Variants in PDZD2 observed in about 807,000 individuals in gnomAD.
PDZD2 encodes the protein PDZ domain containing 2.
A neutral mutation model predicts 220.7 loss-of-function variants in PDZD2; 90 were observed. The observed-to-expected ratio is 0.41, with a 90% CI of 0.34 to 0.49. The LOEUF (loss-of-function observed/expected upper bound fraction) is 0.49, where lower values mean the gene tolerates loss of function less well. Ranked by LOEUF, PDZD2 falls within the 20% of genes least tolerant of loss-of-function variation. The pLI is 0.28. For missense variants in PDZD2, 3,174 were observed against 3,608.5 expected (o/e 0.88, Z 3.08); for synonymous variants, 1,375 against 1,450.5 (o/e 0.95, Z 1.18).
In PDZD2 at chr5:32,088,264, G is replaced by A; in HGVS notation, c.4816G>A (p.Gly1606Ser). 6.8e-6 allele frequency: 11 copies of A among 1,614,112 alleles called. No homozygotes were observed. Among genetic ancestry groups the A allele is most frequent in the Non-Finnish European group, 9.3e-6 (11 of 1,180,022 alleles). Residue 1606 changes from glycine (G) to serine (S), a missense_variant, in exon 20 of 25, where the codon GGC becomes AGC. Transcript: ENST00000438447. This position sits in a 1 kb window ranked among gnomAD's most constrained non-coding sequence, Gnocchi z 4.6. ...EEQIEICSTR[G>S]CPNPPSSPAH... ...ACAGATTGAGATTTGTTCCACACGT[G>A]GCTGCCCCAATCCACCCTCGAGTCC...
intron 1 of PDZD2, among the ~76,000 whole-genome samples, chr5:31,772,479 C>T (rs574091171): frequency 5.9e-5 from 9 of 152,322 alleles, no homozygotes; most frequent in East Asian, 5.8e-4. Flanking sequence ...GCCCCATCCG[C>T]GAGTTGCACC....
In PDZD2 at chr5:31,646,091, A is replaced by G. The variant is rs1423289759; in HGVS notation, c.-361+6654A>G. 6.6e-6 allele frequency among the ~76,000 whole-genome samples: 1 copy of G among 152,054 alleles called. No homozygotes were observed. The highest frequency in any genetic ancestry group is 1.5e-5 in the Non-Finnish European group (1 of 67,996). On this transcript the variant is annotated intron_variant, in intron 1 of 24. Transcript: ENST00000438447. The surrounding 1 kb of genome is among the most constrained non-coding windows in gnomAD (Gnocchi z 4.7). ...GTCACTCCTAGGGAGATCTCAGGAT[A>G]CCTAGGCGGAAGAAAATAAACACCA...
intron 2 of PDZD2, among the ~76,000 whole-genome samples, chr5:31,802,165 C>G (rs936581246): frequency 1.3e-5 from 2 of 151,986 alleles, no homozygotes; most frequent in Non-Finnish European, 2.9e-5. Flanking sequence ...TCTCCAAGGT[C>G]TTCTAGCAAC....
At chr5:31,994,758 A>G (rs1219194572) in intron 3 of PDZD2, among the ~76,000 whole-genome samples, 1 of 152,188 alleles carries the variant, frequency 6.6e-6, no homozygotes, top group African/African-American at 2.4e-5. Context: ...AAGTGCTGGG[A>G]TTACAGGCAT....
intron 2 of PDZD2, among the ~76,000 whole-genome samples, chr5:31,895,698 T>G (rs918817988): frequency 1.3e-5 from 2 of 152,130 alleles, no homozygotes; most frequent in East Asian, 3.9e-4. Flanking sequence ...ATCCCCTTCC[T>G]CGTTTTTTCA....
At chr5:31,907,672 A>G (rs1337283947) in intron 2 of PDZD2, among the ~76,000 whole-genome samples, 1 of 152,204 alleles carries the variant, frequency 6.6e-6, no homozygotes, top group Non-Finnish European at 1.5e-5. Flanking sequence ...TTAATGTTTC[A>G]TGCCTTATGA....
intron 1 of PDZD2, among the ~76,000 whole-genome samples, chr5:31,694,535 C>T (rs1444698111): frequency 2.6e-5 from 4 of 152,170 alleles, no homozygotes; most frequent in Non-Finnish European, 5.9e-5. Flanking sequence ...TACATTTTCT[C>T]GTGTTTTTGA....
chr5:31,904,875 C>T (rs1170483928), intron 2 of PDZD2, among the ~76,000 whole-genome samples: 1 of 152,196 alleles, frequency 6.6e-6, no homozygotes, highest in Non-Finnish European at 1.5e-5. Context: ...AGCAGCACAT[C>T]TAAATGTTGC....
intron 5 of PDZD2, among the ~76,000 whole-genome samples, chr5:32,002,423 C>T (rs1243989057): frequency 2.6e-5 from 4 of 152,008 alleles, no homozygotes; most frequent in African/African-American, 4.8e-5. Flanking sequence ...AGCCCCTCGC[C>T]GGAAATGGGG....
intron 2 of PDZD2, among the ~76,000 whole-genome samples, chr5:31,869,837 G>T (rs187751254): frequency 6.6e-6 from 1 of 152,098 alleles, no homozygotes; most frequent in East Asian, 1.9e-4. Context: ...CTGTCGGCTC[G>T]GGCATCTGAG....
chr5:31,704,674 C>G (rs1747739210), intron 1 of PDZD2, among the ~76,000 whole-genome samples: 1 of 152,072 alleles, frequency 6.6e-6, no homozygotes, highest in African/African-American at 2.4e-5. Flanking sequence ...GCCTTTTTCC[C>G]CATGCTAAAT....
rs1421604123 is a variant in PDZD2 at position 32,087,349 on chromosome 5, G to A, written c.3901G>A (p.Asp1301Asn). 4 of 1,613,982 alleles carry A rather than the reference G, an allele frequency of 2.5e-6. No homozygotes were observed. Among genetic ancestry groups the A allele is most frequent in the East Asian group, 4.5e-5 (2 of 44,880 alleles). ...SPGEKAAAPP[D>N]YSKTRSASET... is the part of the protein sequence containing the mutation. Reference sequence around the variant, plus strand: ...GGGGGAGAAAGCAGCGGCTCCCCCTGACTACAGCAAGACTCGATCAGCATC... The same window carrying A: ...GGGGGAGAAAGCAGCGGCTCCCCCTAACTACAGCAAGACTCGATCAGCATC... Residue 1301 changes from aspartate (D) to asparagine (N), a missense_variant, in exon 20 of 25, where the codon GAC (aspartate) becomes AAC (asparagine). Coordinates refer to ENST00000438447, the MANE Select transcript of PDZD2 (RefSeq NM_178140.4). The surrounding 1 kb of genome is among the most constrained non-coding windows in gnomAD (Gnocchi z 4.0).
chr5:31,989,821 C>T (rs1751071504), intron 3 of PDZD2, among the ~76,000 whole-genome samples: 1 of 152,194 alleles, frequency 6.6e-6, no homozygotes, highest in Admixed American at 6.5e-5. Context: ...GCGGGGCCTT[C>T]TTTGTCTTTG....
intron 2 of PDZD2, among the ~76,000 whole-genome samples, chr5:31,832,991 G>A (rs1398623957): frequency 6.6e-6 from 1 of 152,132 alleles, no homozygotes; most frequent in Non-Finnish European, 1.5e-5. Flanking sequence ...AGTCCCATGA[G>A]CAGGCCTGAC....
intron 1 of PDZD2, among the ~76,000 whole-genome samples, chr5:31,756,666 G>A (rs900136008): frequency 4.2e-4 from 64 of 152,224 alleles, no homozygotes; most frequent in Middle Eastern, 3.2e-3. Flanking sequence ...CTGGGTAAAG[G>A]TGGTGGCAGT....
chr5:32,002,859 CA>C (rs1752325785), intron 5 of PDZD2, among the ~76,000 whole-genome samples: 3 of 126,736 alleles, frequency 2.4e-5, no homozygotes, highest in Non-Finnish European at 4.9e-5. Context: ...CCAACACACA[CA>C]CACCCCACAT....
At position 32,088,694 on chromosome 5, in the gene PDZD2, C is replaced by G; in HGVS notation, c.5246C>G (p.Thr1749Arg). ...LDDETLNQYETSINAAASLSS... is the reference protein window; with the variant it reads ...LDDETLNQYERSINAAASLSS... ...GACGAAACCCTGAATCAATACGAAA[C>G]AAGCATTAATGCAGCTGCCAGTCTG... is the stretch of plus-strand genomic sequence containing the variant. Residue 1749 changes from threonine (T) to arginine (R), a missense_variant, in exon 20 of 25, where the codon ACA (threonine) becomes AGA (arginine). Coordinates refer to ENST00000438447, the MANE Select transcript of PDZD2 (RefSeq NM_178140.4). The surrounding 1 kb of genome is among the most constrained non-coding windows in gnomAD (Gnocchi z 4.6). 6.2e-7 allele frequency: 1 copy of G among 1,614,000 alleles called. No individual in the cohort carries two copies. Among genetic ancestry groups the G allele is most frequent in the South Asian group, 1.1e-5 (1 of 91,076 alleles).
chr5:31,859,590 G>A (rs1737493677), intron 2 of PDZD2, among the ~76,000 whole-genome samples: 1 of 151,712 alleles, frequency 6.6e-6, no homozygotes, highest in Admixed American at 6.6e-5. Context: ...AGCTATCTTT[G>A]AAGCATTTCT....
intron 2 of PDZD2, among the ~76,000 whole-genome samples, chr5:31,959,093 C>T (rs541065038): frequency 4.6e-5 from 7 of 151,664 alleles, no homozygotes; most frequent in Non-Finnish European, 7.4e-5. Context: ...CCACCATGCC[C>T]GGCTAATTTT....
Sources: allele counts gnomAD v4.1 joint callset (sites outside exome capture counted in the v4.1 genomes callset), GRCh38; gene constraint gnomAD v4.1.1; non-coding constraint Gnocchi (gnomAD v3.1); transcripts MANE v1.5; gene names NCBI Gene and HGNC (gene_info 2026-07-23, HGNC 2026-07-21).